The following KCNIP1 variants were observed in gnomAD, a reference collection of about 807,000 sequenced individuals.
The protein encoded by KCNIP1 is A-type potassium channel modulatory protein KCNIP1.
Under a neutral mutation model 33.0 loss-of-function variants are expected in KCNIP1, and 18 were observed. The observed-to-expected ratio is 0.55, with a 90% CI of 0.38 to 0.81. The LOEUF (loss-of-function observed/expected upper bound fraction) is 0.81, where lower values mean the gene tolerates loss of function less well. Ranked by LOEUF, KCNIP1 falls within the 30% of genes least tolerant of loss-of-function variation. KCNIP1 has a pLI of 0.00. For missense variants in KCNIP1, 238 were observed against 271.6 expected (o/e 0.88, Z 0.87); for synonymous variants, 93 against 98.3 (o/e 0.95, Z 0.32).
Position 170,613,632 on chromosome 5 carries a change from C to T in KCNIP1, c.62-105126C>T, listed in dbSNP as rs150490194. 9.4e-4 allele frequency among the ~76,000 whole-genome samples: 143 copies of T among 152,032 alleles called. 1 individual carries two copies. Among genetic ancestry groups the T allele is most frequent in the African/African-American group, 3.3e-3 (135 of 41,466 alleles). Reference sequence around the variant, plus strand: ...AAGAAGAGAAGGGAAGAAAAGGAGGCGGGGAGGGCCGGGAGCTGGAAATGT... The same window carrying T: ...AAGAAGAGAAGGGAAGAAAAGGAGGTGGGGAGGGCCGGGAGCTGGAAATGT... On this transcript the variant is annotated intron_variant, in intron 1 of 7. Transcript: ENST00000328939.
At position 170,735,978 on chromosome 5, in the gene KCNIP1, C is replaced by T. The variant is rs962067628; in HGVS notation, c.*172C>T. 1.7e-5 allele frequency: 10 copies of T among 590,104 alleles called. No homozygotes were observed. Among genetic ancestry groups the T allele is most frequent in the Non-Finnish European group, 1.5e-5 (5 of 332,326 alleles). The allele number at this position is 590,104 out of a possible 1,614,324, so 36.6% of individuals were successfully genotyped here. On this transcript the variant is annotated 3_prime_UTR_variant, in exon 8 of 8. Coordinates refer to ENST00000328939, the MANE Select transcript of KCNIP1 (RefSeq NM_014592.4). ...TTCTATGGAACCCAGCATCATGTGG[C>T]TCAGTCTCTGATTGCCAACTCTTCC...
rs180872746 is a variant in KCNIP1, at chr5:170,389,095, G to A, written c.88+35131G>A. Among the ~76,000 whole-genome samples, 29 of 152,242 alleles carry A rather than the reference G, an allele frequency of 1.9e-4. No individual in the cohort carries two copies. The East Asian group carries it at 5.4e-3, about 28-fold the overall frequency. On this transcript the variant is annotated intron_variant, in intron 1 of 7. Coordinates refer to the KCNIP1 transcript ENST00000377360. ...GGCCACTGTGCCACCCTCCCCACTG[G>A]CCACCAGACCACGGGCCCTCCATCC... is the stretch of plus-strand genomic sequence containing the variant.
intron 1 of KCNIP1, among the ~76,000 whole-genome samples, chr5:170,525,112 G>A (rs1439322420): frequency 6.6e-6 from 1 of 152,214 alleles, no homozygotes; most frequent in Non-Finnish European, 1.5e-5. Flanking sequence ...CTGGGTGCCT[G>A]CTCTGAGACC....
intron 1 of KCNIP1, among the ~76,000 whole-genome samples, chr5:170,682,547 T>C (rs907205625): frequency 1.3e-5 from 2 of 152,164 alleles, no homozygotes; most frequent in African/African-American, 4.8e-5. Context: ...TTTTCTTCCT[T>C]AAAAATCACC....
chr5:170,692,973 T>C (rs76626193), intron 1 of KCNIP1, among the ~76,000 whole-genome samples: 72 of 152,344 alleles, frequency 4.7e-4, no homozygotes, highest in Non-Finnish European at 8.4e-4. Flanking sequence ...TTGAGATGAC[T>C]TTAGCGGAGT....
chr5:170,467,241 G>A (rs576998744), intron 1 of KCNIP1, among the ~76,000 whole-genome samples: 12 of 152,250 alleles, frequency 7.9e-5, no homozygotes, highest in East Asian at 1.9e-4. Flanking sequence ...AGAGGTCGAC[G>A]TTTTTAGCTT....
At chr5:170,585,423 T>G (rs1757950319) in intron 1 of KCNIP1, among the ~76,000 whole-genome samples, 1 of 152,142 alleles carries the variant, frequency 6.6e-6, no homozygotes, top group South Asian at 2.1e-4. Flanking sequence ...TGACTTCCTC[T>G]GGCACATTCC....
intron 1 of KCNIP1, among the ~76,000 whole-genome samples, chr5:170,610,152 C>T (rs750536947): frequency 6.6e-6 from 1 of 152,170 alleles, no homozygotes; most frequent in Non-Finnish European, 1.5e-5. Flanking sequence ...CCCTCTCCAC[C>T]CTCGAATCTG....
At chr5:170,408,263 T>C (rs1398179757) in intron 1 of KCNIP1, among the ~76,000 whole-genome samples, 1 of 152,278 alleles carries the variant, frequency 6.6e-6, no homozygotes, top group East Asian at 1.9e-4. Context: ...GGCAGAGAAC[T>C]GTTTATGGAA....
intron 1 of KCNIP1, among the ~76,000 whole-genome samples, chr5:170,525,451 G>T (rs543908381): frequency 2.8e-4 from 42 of 152,340 alleles, no homozygotes; most frequent in Admixed American, 1.8e-3. Flanking sequence ...TTTAAAAATG[G>T]CAAGAACCAA....
chr5:170,499,324 G>A (rs76844405), upstream of KCNIP1, among the ~76,000 whole-genome samples: 206 of 152,326 alleles, frequency 1.4e-3, 3 homozygotes, highest in East Asian at 0.034. Flanking sequence ...CCAGCATGAT[G>A]TCTGGCCCAC....
At chr5:170,475,945 T>C (rs1756848936) in intron 1 of KCNIP1, among the ~76,000 whole-genome samples, 1 of 151,720 alleles carries the variant, frequency 6.6e-6, no homozygotes, top group South Asian at 2.1e-4. Context: ...GGAGAAGAAA[T>C]GATTATTAGA....
chr5:170,713,000 C>G (rs1763509564), intron 1 of KCNIP1: 1 of 863,216 alleles, frequency 1.2e-6, no homozygotes, highest in African/African-American at 1.7e-5. Flanking sequence ...TTTCTGTGTC[C>G]TTTGTTAACA....
intron 1 of KCNIP1, among the ~76,000 whole-genome samples, chr5:170,366,223 C>T (rs1377376817): frequency 6.6e-6 from 1 of 152,238 alleles, no homozygotes; most frequent in Non-Finnish European, 1.5e-5. Flanking sequence ...CTGCCCCACT[C>T]CCAGCCCACA....
Position 170,578,118 on chromosome 5 carries a change from C to T in KCNIP1, c.61+73485C>T, listed in dbSNP as rs188134042. On this transcript the variant is annotated intron_variant, in intron 1 of 7. Transcript: ENST00000328939. ...CACTATGTGGTAGGCAGGCTTTGCT[C>T]TAAACCTCAGAGGCCCCGTGGCAGA... is the stretch of plus-strand genomic sequence containing the variant. 2.8e-3 allele frequency among the ~76,000 whole-genome samples: 422 copies of T among 152,324 alleles called. 1 individual carries two copies. The highest frequency in any genetic ancestry group is 4.8e-3 in the Non-Finnish European group (324 of 68,044).
chr5:170,667,237 G>C (rs1761738271), intron 1 of KCNIP1, among the ~76,000 whole-genome samples: 1 of 151,918 alleles, frequency 6.6e-6, no homozygotes, highest in African/African-American at 2.4e-5. Context: ...GCTTGAACCT[G>C]GGAGGCAGAA....
At chr5:170,566,511 G>A (rs1346756336) in intron 1 of KCNIP1, among the ~76,000 whole-genome samples, 1 of 152,188 alleles carries the variant, frequency 6.6e-6, no homozygotes, top group African/African-American at 2.4e-5. Context: ...GGACTGGAGG[G>A]ACCAAGGCAG....
chr5:170,697,452 C>G (rs1762935998), intron 1 of KCNIP1, among the ~76,000 whole-genome samples: 1 of 152,210 alleles, frequency 6.6e-6, no homozygotes, highest in Admixed American at 6.5e-5. Context: ...TTTAAGAGAT[C>G]TTCTAGCTGT....
intron 1 of KCNIP1, among the ~76,000 whole-genome samples, chr5:170,468,459 C>T (rs1163608217): frequency 3.9e-5 from 6 of 152,020 alleles, no homozygotes; most frequent in African/African-American, 1.5e-4. Flanking sequence ...GAACTTGGGT[C>T]CATATGAATT....
Sources: gnomAD v4.1 joint callset for allele counts (sites outside exome capture counted in the v4.1 genomes callset) on GRCh38, gnomAD v4.1.1 for gene constraint, MANE v1.5 for transcripts, NCBI Gene and HGNC (gene_info 2026-07-23, HGNC 2026-07-21) for gene names.